XYLT1: variants seen among roughly 807,000 people sequenced by gnomAD.
The protein encoded by XYLT1 is xylosyltransferase 1, also known as beta-D-xylosyltransferase 1.
A neutral mutation model predicts 91.3 loss-of-function variants in XYLT1; 36 were observed. The ratio of observed to expected loss-of-function variants is 0.39; its 90% CI spans 0.30 to 0.52. The LOEUF (loss-of-function observed/expected upper bound fraction) is 0.52, where lower values mean the gene tolerates loss of function less well. Among genes scored for constraint, XYLT1 ranks in the 20% least tolerant of loss-of-function variants. The pLI, the probability that XYLT1 is intolerant of heterozygous loss-of-function variation, is 0.68. For missense variants in XYLT1, 1,242 were observed against 1,284.5 expected (o/e 0.97, Z 0.51); for synonymous variants, 588 against 532.0 (o/e 1.11, Z -1.45).
At chr16:17,166,273 G>A (rs1425488098) in intron 5 of XYLT1, among the ~76,000 whole-genome samples, 1 of 152,244 alleles carries the variant, frequency 6.6e-6, no homozygotes, top group Admixed American at 6.5e-5. Flanking sequence ...CCAGCATCTG[G>A]ACTATGGGGC....
intron 3 of XYLT1, among the ~76,000 whole-genome samples, chr16:17,224,785 C>A (rs749415531): frequency 1.3e-5 from 2 of 152,166 alleles, no homozygotes; most frequent in African/African-American, 4.8e-5. Flanking sequence ...TCTCTTGTAG[C>A]GAGGTGCATG....
intron 1 of XYLT1, among the ~76,000 whole-genome samples, chr16:17,417,234 C>T (rs1015189982): frequency 6.6e-6 from 1 of 152,190 alleles, no homozygotes; most frequent in Non-Finnish European, 1.5e-5. Context: ...TTTATCCTCA[C>T]AACAGCCTCG....
intron 1 of XYLT1, among the ~76,000 whole-genome samples, chr16:17,402,927 A>C (rs956977283): frequency 2.6e-5 from 4 of 151,738 alleles, no homozygotes; most frequent in Non-Finnish European, 5.9e-5. Context: ...TTTTGTAGAG[A>C]CAGGGTCTCA....
intron 2 of XYLT1, among the ~76,000 whole-genome samples, chr16:17,331,457 G>A (rs1333180192): frequency 1.3e-5 from 2 of 152,106 alleles, no homozygotes; most frequent in African/African-American, 4.8e-5. Context: ...TACATGGAAG[G>A]CCAGATGTAG....
At chr16:17,337,355 T>G (rs894193307) in intron 2 of XYLT1, among the ~76,000 whole-genome samples, 4 of 152,122 alleles carry the variant, frequency 2.6e-5, no homozygotes, top group African/African-American at 7.2e-5. Flanking sequence ...ACCCAGCTAA[T>G]TTTTTATAGA....
At chr16:17,337,465 G>A (rs146920964) in intron 2 of XYLT1, among the ~76,000 whole-genome samples, 73 of 152,244 alleles carry the variant, frequency 4.8e-4, no homozygotes, top group African/African-American at 1.6e-3. Flanking sequence ...GATTACAGGC[G>A]TGAGCCACCA....
At chr16:17,409,546 C>CT (rs35377886) in intron 1 of XYLT1, among the ~76,000 whole-genome samples, 37,845 of 117,200 alleles carry the variant, frequency 0.32, 7,242 homozygotes, top group Middle Eastern at 0.42. Context: ...TATTGAGACA[C>CT]TTTTTTTTTT....
chr16:17,198,314 C>G lies in XYLT1; in HGVS notation c.1187G>C (p.Ser396Thr). 1 of 1,614,234 alleles carries G rather than the reference C, an allele frequency of 6.2e-7. No homozygotes were observed. Among genetic ancestry groups the G allele is most frequent in the Non-Finnish European group, 8.5e-7 (1 of 1,180,026 alleles). Residue 396 changes from serine (S) to threonine (T), a missense_variant, in exon 5 of 12, where the codon AGC becomes ACC. Coordinates refer to ENST00000261381, the MANE Select transcript of XYLT1 (RefSeq NM_022166.4). ...WRMATIWGGASLLSTYLQSMR... is the reference protein window; with the variant it reads ...WRMATIWGGATLLSTYLQSMR... ...GCTCTGCAGGTAGGTGGACAGGAGG[C>G]TGGCTCCTCCCCAGATGGTGGCCAT... is the stretch of plus-strand genomic sequence containing the variant.
At position 17,397,460 on chromosome 16, in the gene XYLT1, G is replaced by A. The variant is rs113228462; in HGVS notation, c.364-39410C>T. On this transcript the variant is annotated intron_variant, in intron 1 of 11. Coordinates refer to ENST00000261381, the MANE Select transcript of XYLT1 (RefSeq NM_022166.4). ...TCCGGCTTCTATTAAAAACTCTGAC[G>A]ATCTGGCAACCCTGGGCCCACCCTT... 5.7e-4 allele frequency among the ~76,000 whole-genome samples: 87 copies of A among 152,154 alleles called. 1 individual carries two copies. The highest frequency in any genetic ancestry group is 2.7e-3 in the South Asian group (13 of 4,812).
At chr16:17,127,625 A>G in intron 10 of XYLT1, 41 bp downstream of exon 10, 1 of 1,588,920 alleles carries the variant, frequency 6.3e-7, no homozygotes, top group African/African-American at 1.4e-5. Flanking sequence ...GCCGAGGGAA[A>G]TGCAAAATAC....
intron 2 of XYLT1, among the ~76,000 whole-genome samples, chr16:17,260,638 C>T (rs1437672603): frequency 6.6e-6 from 1 of 152,134 alleles, no homozygotes; most frequent in African/African-American, 2.4e-5. Context: ...AGGCTCCCAC[C>T]CCAGCAGGTC....
chr16:17,391,861 G>C (rs2035824308), intron 1 of XYLT1, among the ~76,000 whole-genome samples: 2 of 152,112 alleles, frequency 1.3e-5, no homozygotes, highest in African/African-American at 2.4e-5. Flanking sequence ...ATAAGGGGTG[G>C]TTCCCCCTTT....
rs1377186117 is a variant in XYLT1, at chr16:17,306,954, T to C, written c.403-47456A>G. Among the ~76,000 whole-genome samples, 5 of 152,330 alleles carry C rather than the reference T, an allele frequency of 3.3e-5. No homozygotes were observed. The East Asian group carries it at 9.7e-4, about 29-fold the overall frequency. ...GCTAGAGTGAGTCAGAGCTGAAGCC[T>C]GAACTTGGGAGTGTAGTCTCTGTAG... is the stretch of plus-strand genomic sequence containing the variant. On this transcript the variant is annotated intron_variant, in intron 2 of 11. Coordinates refer to ENST00000261381, the MANE Select transcript of XYLT1 (RefSeq NM_022166.4).
intron 1 of XYLT1, among the ~76,000 whole-genome samples, chr16:17,391,841 T>C (rs557943820): frequency 6.6e-5 from 10 of 152,308 alleles, no homozygotes; most frequent in African/African-American, 2.2e-4. Context: ...TCACGAGATC[T>C]GATGGTTTTA....
At chr16:17,295,387 G>A (rs2034294707) in intron 2 of XYLT1, among the ~76,000 whole-genome samples, 1 of 151,130 alleles carries the variant, frequency 6.6e-6, no homozygotes, top group Non-Finnish European at 1.5e-5. Flanking sequence ...ACAGATTCTT[G>A]CCCTGTCACA....
In XYLT1 at chr16:17,106,215, G is replaced by GAC. The variant is rs1966771845; in HGVS notation, c.*2478_*2479dup. On this transcript the variant is annotated 3_prime_UTR_variant, in exon 12 of 12. Coordinates refer to ENST00000261381, the MANE Select transcript of XYLT1 (RefSeq NM_022166.4). ...TCTGCAGGTTCACATTATGCACAGG[G>GAC]ACTTGCCACTGCTGAGTCCCCAAAG... 6.6e-6 allele frequency: 1 copy of GAC among 152,216 alleles called. No individual in the cohort carries two copies. Among genetic ancestry groups the GAC allele is most frequent in the African/African-American group, 2.4e-5 (1 of 41,440 alleles). The allele number at this position is 152,216 out of a possible 1,614,324, so 9.4% of individuals were successfully genotyped here.
intron 2 of XYLT1, among the ~76,000 whole-genome samples, chr16:17,310,930 G>A (rs1423452264): frequency 6.6e-6 from 1 of 152,154 alleles, no homozygotes; most frequent in African/African-American, 2.4e-5. Flanking sequence ...CAGGGGTCAT[G>A]TCCCACAGCT....
chr16:17,311,352 G>C (rs1244372666), intron 2 of XYLT1, among the ~76,000 whole-genome samples: 1 of 152,146 alleles, frequency 6.6e-6, no homozygotes, highest in Non-Finnish European at 1.5e-5. Flanking sequence ...CTGCTCATGG[G>C]CTTCAGTAGC....
chr16:17,448,803 G>C (rs897098774), intron 1 of XYLT1, among the ~76,000 whole-genome samples: 3 of 152,014 alleles, frequency 2.0e-5, no homozygotes, highest in Non-Finnish European at 4.4e-5. Flanking sequence ...GCATGTTATG[G>C]TGCTTAATAC....
Sources: allele counts gnomAD v4.1 joint callset (sites outside exome capture counted in the v4.1 genomes callset), GRCh38; gene constraint gnomAD v4.1.1; transcripts MANE v1.5; gene names NCBI Gene and HGNC (gene_info 2026-07-23, HGNC 2026-07-21).